Variants in CLEC2D observed in about 807,000 individuals in gnomAD.
CLEC2D encodes C-type lectin related f.
CLEC2D carries 16 observed loss-of-function variants against 20.0 expected under a neutral mutation model. The observed-to-expected ratio is 0.80, with a 90% CI of 0.54 to 1.22. The LOEUF (loss-of-function observed/expected upper bound fraction) is 1.22, where lower values mean the gene tolerates loss of function less well. Ranked by LOEUF, CLEC2D falls within the 50% of genes most tolerant of loss-of-function variation. The pLI is 0.00. For synonymous variants in CLEC2D, 77 were observed against 71.1 expected (o/e 1.08, Z -0.42); for missense variants, 207 against 221.5 (o/e 0.93, Z 0.42).
intron 2 of CLEC2D, among the ~76,000 whole-genome samples, chr12:9,685,267 G>A (rs1865724352): frequency 6.6e-6 from 1 of 152,208 alleles, no homozygotes; most frequent in Non-Finnish European, 1.5e-5. Context: ...TGTATGAGGT[G>A]CCTATCAACC....
rs1866038604 is a variant in CLEC2D, at chr12:9,698,009, A to G, written c.*3135A>G. 1 of 152,222 alleles carries G rather than the reference A, an allele frequency of 6.6e-6. No individual in the cohort carries two copies. The highest frequency in any genetic ancestry group is 2.1e-4 in the South Asian group (1 of 4,836). The allele number at this position is 152,222 out of a possible 1,614,324, so 9.4% of individuals were successfully genotyped here. On this transcript the variant is annotated 3_prime_UTR_variant, in exon 5 of 5. Coordinates refer to ENST00000290855, the MANE Select transcript of CLEC2D (RefSeq NM_013269.6). ...TACATAAAAACATCACATTATACAC[A>G]TCAAATATATACAATAAAAAAGCAC...
intron 1 of CLEC2D, 51 bp from the exon 2 acceptor site, chr12:9,680,872 G>C (rs1255959442): frequency 1.1e-6 from 1 of 900,666 alleles, no homozygotes; most frequent in Non-Finnish European, 1.8e-6. Flanking sequence ...GTTTCTGGCA[G>C]TATTATGTCT....
chr12:9,695,664 A>C lies in CLEC2D; in HGVS notation c.*790A>C. 2 of 1,576,568 alleles carry C rather than the reference A, an allele frequency of 1.3e-6. No homozygotes were observed. The highest frequency in any genetic ancestry group is 1.7e-6 in the Non-Finnish European group (2 of 1,157,378). ...CGGTTTCTCTTGGGGGCTTTGAAAT[A>C]ACACCACCAGTGGACTTAAGGTTGA... On this transcript the variant is annotated 3_prime_UTR_variant, in exon 5 of 5. Transcript: ENST00000290855.
At chr12:9,690,738 C>A (rs1865844201) in intron 3 of CLEC2D, among the ~76,000 whole-genome samples, 1 of 151,406 alleles carries the variant, frequency 6.6e-6, no homozygotes, top group Non-Finnish European at 1.5e-5. Context: ...AAGGTAACCA[C>A]TAATAAAATT....
intron 2 of CLEC2D, among the ~76,000 whole-genome samples, chr12:9,683,607 C>T (rs1865690959): frequency 6.6e-6 from 1 of 152,116 alleles, no homozygotes; most frequent in Non-Finnish European, 1.5e-5. Context: ...CCAGTTTTCT[C>T]AACACCATTT....
Position 9,688,054 on chromosome 12 carries a change from G to C in CLEC2D, c.325G>C (p.Asp109His), listed in dbSNP as rs142058665. The change falls in exon 3 of 5, where the codon GAT becomes CAT. Residue 109 changes from aspartate to histidine, a missense_variant. Transcript: ENST00000290855. ...GAGGTTTTGTGACTCACAAGATGCT[G>C]ATCTTGCTCAGGTTGAAAGCTTCCA... Reference protein sequence around the residue: ...SQRFCDSQDADLAQVESFQEL... With the variant: ...SQRFCDSQDAHLAQVESFQEL... 2.5e-6 allele frequency: 4 copies of C among 1,609,454 alleles called. No individual in the cohort carries two copies. In the Admixed American group the frequency reaches 6.7e-5, roughly 27 times the overall value.
chr12:9,669,827 A>G, intron 1 of CLEC2D, 32 bp downstream of exon 1: 3 of 1,558,644 alleles, frequency 1.9e-6, no homozygotes, highest in Non-Finnish European at 2.7e-6. Context: ...AGTAAGTGTG[A>G]GGACTGGAAT....
Position 9,695,363 on chromosome 12 carries a change from CTAAG to C in CLEC2D, c.*491_*494del, listed in dbSNP as rs1416175855. 3.2e-6 allele frequency: 4 copies of C among 1,268,350 alleles called. No homozygotes were observed. Among genetic ancestry groups the C allele is most frequent in the African/African-American group, 1.5e-5 (1 of 65,696 alleles). The allele number at this position is 1,268,350 out of a possible 1,614,324, so 78.6% of individuals were successfully genotyped here. ...TATCTTCGTCTGCCTTGTCTCCTACCTAAGTGTGTGTCGCCACCCGATGGAAGAT... is the reference window on the plus strand; with the variant it reads ...TATCTTCGTCTGCCTTGTCTCCTACCTGTGTGTCGCCACCCGATGGAAGAT... On this transcript the variant is annotated 3_prime_UTR_variant, in exon 5 of 5. Coordinates refer to ENST00000290855, the MANE Select transcript of CLEC2D (RefSeq NM_013269.6).
intron 2 of CLEC2D, among the ~76,000 whole-genome samples, chr12:9,685,490 A>G (rs753901407): frequency 6.6e-6 from 1 of 152,342 alleles, no homozygotes; most frequent in South Asian, 2.1e-4. Context: ...AGTTTTATCT[A>G]TAAGCCCCTG....
intron 3 of CLEC2D, among the ~76,000 whole-genome samples, chr12:9,692,188 T>G (rs1470753396): frequency 6.6e-6 from 1 of 152,142 alleles, no homozygotes; most frequent in African/African-American, 2.4e-5. Context: ...CAGGCTGGAG[T>G]GCAGTGGCGT....
intron 3 of CLEC2D, among the ~76,000 whole-genome samples, chr12:9,689,750 TCAA>T (rs1270291156): frequency 1.3e-5 from 2 of 151,938 alleles, no homozygotes; most frequent in East Asian, 3.9e-4. Flanking sequence ...ATGAAGAAGT[TCAA>T]CAGCAGATTT....
chr12:9,681,698 CT>C (rs1256248284), intron 2 of CLEC2D, among the ~76,000 whole-genome samples: 1 of 152,142 alleles, frequency 6.6e-6, no homozygotes. Flanking sequence ...AATCTACCCC[CT>C]GTTACTACAT....
intron 3 of CLEC2D, 161 bp downstream of exon 3, chr12:9,688,247 A>G (rs1422061067): frequency 1.0e-5 from 12 of 1,186,156 alleles, no homozygotes; most frequent in Non-Finnish European, 1.2e-5. Context: ...CATGTATTAT[A>G]TTTTACAGTG....
Position 9,694,961 on chromosome 12 carries a change from T to C in CLEC2D, c.*87T>C. 1.4e-6 allele frequency: 1 copy of C among 698,854 alleles called. No homozygotes were observed. The highest frequency in any genetic ancestry group is 1.6e-5 in the South Asian group (1 of 62,040). 43.3% of individuals were successfully genotyped at this position (698,854 alleles called of 1,614,324 possible). ...AAATGAGCAAAGAATTTATTTCTTA[T>C]ACCAACAGGTATATGAAAATATGCT... On this transcript the variant is annotated 3_prime_UTR_variant, in exon 5 of 5. Coordinates refer to ENST00000290855, the MANE Select transcript of CLEC2D (RefSeq NM_013269.6).
intron 3 of CLEC2D, among the ~76,000 whole-genome samples, chr12:9,691,307 A>G (rs1251408672): frequency 2.6e-5 from 4 of 152,152 alleles, no homozygotes; most frequent in South Asian, 2.1e-4. Flanking sequence ...GAACAGTTCT[A>G]TGAAAAGTTA....
chr12:9,687,842 TATACA>T lies in CLEC2D; in HGVS notation c.173-51_173-47del, dbSNP rs2120955217. The T allele has an allele frequency of 4.8e-6, 5 of 1,038,560 alleles. No homozygotes were observed. The East Asian group carries it at 1.5e-4, about 32-fold the overall frequency. 64.3% of individuals were successfully genotyped at this position (1,038,560 alleles called of 1,614,324 possible). A position where few individuals can be genotyped will look rare whatever the true frequency, so the allele number is the denominator to read the frequency against. ...GAAAGTATATTAGCACTTGGTAATT[TATACA>T]ATACAATATAAAAGTAAGAAATTTT... On this transcript the variant is annotated intron_variant, in intron 2 of 4. Transcript: ENST00000290855.
At chr12:9,678,296 CTTTT>C (rs1865566143) in intron 1 of CLEC2D, among the ~76,000 whole-genome samples, 1 of 152,032 alleles carries the variant, frequency 6.6e-6, no homozygotes, top group Non-Finnish European at 1.5e-5. Flanking sequence ...CTCCTGCTTT[CTTTT>C]GTTTGTGCCA....
In CLEC2D at chr12:9,694,832, A is replaced by G; in HGVS notation, c.534A>G (p.Thr178=). 6.2e-7 allele frequency: 1 copy of G among 1,611,252 alleles called. No individual in the cohort carries two copies. ...GTGCCAGTAGTGCCAGGCACTACAC[A>G]GAGAGGAAGTGGATTTGTTCCAAAT... is the stretch of plus-strand genomic sequence containing the variant. ...DKGASSARHY[T]ERKWICSKSD... is the part of the protein sequence containing the mutation. Residue 178 remains threonine, a synonymous_variant, in exon 5 of 5, where the codon ACA becomes ACG. Transcript: ENST00000290855.
At chr12:9,687,422 C>T (rs184726440) in intron 2 of CLEC2D, among the ~76,000 whole-genome samples, 1 of 152,292 alleles carries the variant, frequency 6.6e-6, no homozygotes, top group African/African-American at 2.4e-5. Flanking sequence ...GCTGTAAATA[C>T]AGATGAAGCT....
Sources: gnomAD v4.1 joint callset for allele counts (sites outside exome capture counted in the v4.1 genomes callset) on GRCh38, gnomAD v4.1.1 for gene constraint, MANE v1.5 for transcripts, NCBI Gene and HGNC (gene_info 2026-07-23, HGNC 2026-07-21) for gene names.